QTMAN: variants seen among roughly 807,000 people sequenced by gnomAD.
QTMAN encodes tRNA-queuosine alpha-mannosyltransferase.
At chr2:144,136,231 T>C in the QTMAN span, among the ~76,000 whole-genome samples, 1 of 150,710 alleles carries the variant, frequency 6.6e-6, no homozygotes, top group Non-Finnish European at 1.5e-5. Context: ...TAGGGTAAGA[T>C]GGGAGAGTCA....
At chr2:144,030,586 T>C in the QTMAN span, among the ~76,000 whole-genome samples, 1 of 152,088 alleles carries the variant, frequency 6.6e-6, no homozygotes. Flanking sequence ...CTAAAGAAGA[T>C]GAATAGACTT....
chr2:144,010,924 G>C, the QTMAN span, among the ~76,000 whole-genome samples: 1 of 152,088 alleles, frequency 6.6e-6, no homozygotes, highest in Non-Finnish European at 1.5e-5. Context: ...CTCCCTGACG[G>C]TGTAATTTAT....
the QTMAN span, among the ~76,000 whole-genome samples, chr2:143,974,529 G>A: frequency 6.6e-6 from 1 of 152,124 alleles, no homozygotes; most frequent in Non-Finnish European, 1.5e-5. Flanking sequence ...TATACTTCTT[G>A]AAGTAGAAAA....
chr2:144,302,175 T>C, the QTMAN span, among the ~76,000 whole-genome samples: 1 of 152,032 alleles, frequency 6.6e-6, no homozygotes, highest in Admixed American at 6.6e-5. Flanking sequence ...ACCAAAGTCA[T>C]TGAGGGCTTA....
chr2:144,195,778 C>T, the QTMAN span, among the ~76,000 whole-genome samples: 1 of 152,096 alleles, frequency 6.6e-6, no homozygotes, highest in Non-Finnish European at 1.5e-5. Context: ...ACCTCTGCTT[C>T]TCTTTCAAAA....
chr2:144,000,777 C>T, the QTMAN span, among the ~76,000 whole-genome samples: 1 of 151,996 alleles, frequency 6.6e-6, no homozygotes, highest in South Asian at 2.1e-4. Flanking sequence ...GGCCAGAGCA[C>T]GTGAACATCT....
chr2:144,211,811 G>T, the QTMAN span, among the ~76,000 whole-genome samples: 6 of 152,068 alleles, frequency 3.9e-5, no homozygotes, highest in Admixed American at 6.6e-5. Context: ...AAATATAAAG[G>T]GAATATACTA....
At chr2:144,093,943 G>T in the QTMAN span, among the ~76,000 whole-genome samples, 49 of 152,250 alleles carry the variant, frequency 3.2e-4, 1 homozygote, top group Non-Finnish European at 4.9e-4. Context: ...TCTTATTTGA[G>T]AAGGCATGAC....
the QTMAN span, among the ~76,000 whole-genome samples, chr2:143,984,477 G>A: frequency 9.8e-5 from 15 of 152,294 alleles, 1 homozygote; most frequent in South Asian, 3.1e-3. Flanking sequence ...GGGATTGCAG[G>A]TTGCTGGTGC....
At chr2:144,332,196 G>C in the QTMAN span, among the ~76,000 whole-genome samples, 2 of 151,868 alleles carry the variant, frequency 1.3e-5, no homozygotes, top group African/African-American at 4.8e-5. Context: ...GCCCCATTCC[G>C]AGCGCGGTGC....
chr2:144,218,973 C>T, the QTMAN span, among the ~76,000 whole-genome samples: 3 of 140,456 alleles, frequency 2.1e-5, no homozygotes, highest in African/African-American at 2.6e-5. Flanking sequence ...GAAAGAATAT[C>T]AGGTAAACAT....
At chr2:144,085,135 G>A in the QTMAN span, among the ~76,000 whole-genome samples, 1 of 152,202 alleles carries the variant, frequency 6.6e-6, no homozygotes, top group Non-Finnish European at 1.5e-5. Context: ...AGACTTGTGA[G>A]TCAAAGGTTC....
At chr2:144,084,176 C>G in the QTMAN span, among the ~76,000 whole-genome samples, 1 of 152,188 alleles carries the variant, frequency 6.6e-6, no homozygotes, top group Admixed American at 6.5e-5. Context: ...ATTCTTTGAT[C>G]TTCTAACATT....
At chr2:144,232,058 C>A in the QTMAN span, among the ~76,000 whole-genome samples, 1 of 152,022 alleles carries the variant, frequency 6.6e-6, no homozygotes, top group Admixed American at 6.6e-5. Flanking sequence ...ATTCATATAA[C>A]TTAACAGGCA....
At chr2:144,315,801 C>G in the QTMAN span, among the ~76,000 whole-genome samples, 1 of 152,172 alleles carries the variant, frequency 6.6e-6, no homozygotes, top group South Asian at 2.1e-4. Context: ...ATTTTGAGTT[C>G]ATGATTTCAT....
chr2:144,259,783 T>G, the QTMAN span, among the ~76,000 whole-genome samples: 3 of 152,220 alleles, frequency 2.0e-5, no homozygotes, highest in African/African-American at 7.2e-5. Flanking sequence ...AAAAATAAAG[T>G]GGTATTTATT....
the QTMAN span, among the ~76,000 whole-genome samples, chr2:143,986,010 T>C: frequency 6.6e-6 from 1 of 152,198 alleles, no homozygotes; most frequent in Non-Finnish European, 1.5e-5. Context: ...AAGTATTAAA[T>C]GCCTCATATT....
the QTMAN span, among the ~76,000 whole-genome samples, chr2:144,001,869 C>T: frequency 6.6e-6 from 1 of 151,582 alleles, no homozygotes; most frequent in South Asian, 2.1e-4. Context: ...TCTATGAGAA[C>T]TACAAATTAG....
chr2:144,085,006 A>C, the QTMAN span, among the ~76,000 whole-genome samples: 1 of 152,214 alleles, frequency 6.6e-6, no homozygotes, highest in African/African-American at 2.4e-5. Context: ...CAATCTCCTT[A>C]GTGAATTTTG....
Sources: allele counts gnomAD v4.1 joint callset (sites outside exome capture counted in the v4.1 genomes callset), GRCh38; gene constraint gnomAD v4.1.1; transcripts MANE v1.5; gene names NCBI Gene and HGNC (gene_info 2026-07-23, HGNC 2026-07-21).